The following TRIM55 variants were observed in gnomAD, a reference collection of about 807,000 sequenced individuals.
The protein encoded by TRIM55 is tripartite motif-containing protein 55.
Under a neutral mutation model 60.9 loss-of-function variants are expected in TRIM55, and 50 were observed. That is an observed-to-expected ratio of 0.82 (90% confidence interval 0.65 to 1.04). TRIM55 has a LOEUF of 1.04. TRIM55 is among the 50% of genes least tolerant of loss of function. The pLI is 0.00. For missense variants in TRIM55, 681 were observed against 666.9 expected, an observed-to-expected ratio of 1.02 and a Z score of -0.23; for synonymous variants, 237 against 238.1, an observed-to-expected ratio of 1.00 and a Z score of 0.04.
At chr8:66,137,629 G>T (rs1809556158) in intron 4 of TRIM55, among the ~76,000 whole-genome samples, 1 of 152,140 alleles carries the variant, frequency 6.6e-6, no homozygotes, top group African/African-American at 2.4e-5. Context: ...CCATAAGGAG[G>T]AGAAAGATCT....
At chr8:66,156,938 G>C (rs1472278036) in intron 9 of TRIM55, among the ~76,000 whole-genome samples, 2 of 152,212 alleles carry the variant, frequency 1.3e-5, no homozygotes. Context: ...TGGTAAAAAG[G>C]AGTGGGAGGA....
At chr8:66,134,887 C>A in intron 2 of TRIM55, 103 bp from the exon 3 acceptor site, 1 of 1,248,544 alleles carries the variant, frequency 8.0e-7, no homozygotes, top group Non-Finnish European at 1.1e-6. Context: ...GCTGGGCATA[C>A]AGGGAAGAGA....
chr8:66,153,629 G>C (rs762854970), intron 8 of TRIM55, among the ~76,000 whole-genome samples: 3 of 151,806 alleles, frequency 2.0e-5, no homozygotes, highest in Admixed American at 1.3e-4. Flanking sequence ...TAGTAACTAA[G>C]TGAGGGTTGG....
intron 9 of TRIM55, among the ~76,000 whole-genome samples, chr8:66,161,375 A>G (rs1811041147): frequency 6.6e-6 from 1 of 151,998 alleles, no homozygotes; most frequent in South Asian, 2.1e-4. Context: ...ATTCTGTTCC[A>G]TTGGTCTATA....
At chr8:66,157,914 G>C (rs1810835002) in intron 9 of TRIM55, among the ~76,000 whole-genome samples, 2 of 152,128 alleles carry the variant, frequency 1.3e-5, no homozygotes, top group Admixed American at 1.3e-4. Flanking sequence ...GTGATGGACA[G>C]GACCACTACT....
chr8:66,144,505 G>C (rs555046214), intron 4 of TRIM55, among the ~76,000 whole-genome samples: 2 of 152,334 alleles, frequency 1.3e-5, no homozygotes, highest in Admixed American at 1.3e-4. Context: ...TATACCCGGA[G>C]ACCAATACCT....
At chr8:66,123,764 G>C (rs1373773851), upstream of TRIM55, among the ~76,000 whole-genome samples, 2 of 152,168 alleles carry the variant, frequency 1.3e-5, no homozygotes, top group Admixed American at 6.5e-5. Flanking sequence ...AGGCTGAGGT[G>C]GGGGGATTGC....
intron 9 of TRIM55, among the ~76,000 whole-genome samples, chr8:66,155,369 G>T (rs1002797333): frequency 2.6e-5 from 4 of 152,184 alleles, no homozygotes; most frequent in Non-Finnish European, 5.9e-5. Flanking sequence ...TAAATGTTTG[G>T]TGGGAAGAAA....
At chr8:66,130,888 C>T (rs56176008) in intron 2 of TRIM55, among the ~76,000 whole-genome samples, 13,263 of 151,692 alleles carry the variant, frequency 0.087, 981 homozygotes, top group African/African-American at 0.2. Flanking sequence ...GTCTCGATCT[C>T]CTGACCTCTT....
chr8:66,125,057 G>T (rs1252793094), upstream of TRIM55, among the ~76,000 whole-genome samples: 2 of 152,204 alleles, frequency 1.3e-5, no homozygotes, highest in African/African-American at 4.8e-5. Flanking sequence ...CAAAGACTCA[G>T]AAGAATGCAA....
At chr8:66,168,979 T>G (rs952164029) in intron 9 of TRIM55, among the ~76,000 whole-genome samples, 4 of 152,200 alleles carry the variant, frequency 2.6e-5, no homozygotes, top group African/African-American at 7.2e-5. Context: ...ACAAGACAGG[T>G]AAGCGTTAGT....
chr8:66,117,487 T>C, the TRIM55 span, among the ~76,000 whole-genome samples: 1 of 152,258 alleles, frequency 6.6e-6, no homozygotes, highest in Non-Finnish European at 1.5e-5. Context: ...AAATCATGTA[T>C]ATGGCTCATA....
chr8:66,169,258 G>T (rs914091580), intron 9 of TRIM55, among the ~76,000 whole-genome samples: 2 of 152,144 alleles, frequency 1.3e-5, no homozygotes, highest in African/African-American at 4.8e-5. Flanking sequence ...GGTAAAGGGG[G>T]CTACTGGCAT....
At chr8:66,172,042 T>C (rs542636069) in intron 9 of TRIM55, among the ~76,000 whole-genome samples, 1 of 149,788 alleles carries the variant, frequency 6.7e-6, no homozygotes, top group African/African-American at 2.5e-5. Context: ...CTCTTCACTG[T>C]TGAAAGAAAG....
At chr8:66,128,267 A>C in intron 1 of TRIM55, 37 bp from the exon 2 acceptor site, 1 of 1,540,186 alleles carries the variant, frequency 6.5e-7, no homozygotes, top group Non-Finnish European at 8.7e-7. Flanking sequence ...TGCTTGTGGC[A>C]TTACCCAATT....
Position 66,174,730 on chromosome 8 carries a change from G to A in TRIM55, c.*137G>A. Reference sequence around the variant, plus strand: ...ATTTCTGCAAAAATAGCCCCAAACTGCAATTCCATATGACTTATCTAACAT... The same window carrying A: ...ATTTCTGCAAAAATAGCCCCAAACTACAATTCCATATGACTTATCTAACAT... On this transcript the variant is annotated 3_prime_UTR_variant, in exon 10 of 10. Transcript: ENST00000315962. The A allele has an allele frequency of 1.1e-6, 1 of 894,178 alleles. No individual in the cohort carries two copies. The highest frequency in any genetic ancestry group is 1.6e-6 in the Non-Finnish European group (1 of 638,564). 55.4% of individuals were successfully genotyped at this position (894,178 alleles called of 1,614,324 possible).
At chr8:66,159,253 C>A (rs543623467) in intron 9 of TRIM55, among the ~76,000 whole-genome samples, 1 of 152,334 alleles carries the variant, frequency 6.6e-6, no homozygotes, top group African/African-American at 2.4e-5. Flanking sequence ...GTAGTTCTGC[C>A]AGTTCCAAAC....
rs370205717 is a variant in TRIM55, at chr8:66,170,471, T to C, written c.1525-4000T>C. ...TTGTATTCCATTGATTCTTGACATG[T>C]ATGTATGCATGACATTTTGTTTATC... On this transcript the variant is annotated intron_variant, in intron 9 of 9. Coordinates refer to ENST00000315962, the MANE Select transcript of TRIM55 (RefSeq NM_184085.2). Among the ~76,000 whole-genome samples, 20 of 152,362 alleles carry C rather than the reference T, an allele frequency of 1.3e-4. No homozygotes were observed. The East Asian group carries it at 3.5e-3, about 26-fold the overall frequency.
intron 9 of TRIM55, 86 bp from the exon 10 acceptor site, chr8:66,174,385 A>T: frequency 8.8e-7 from 1 of 1,137,478 alleles, no homozygotes; most frequent in Non-Finnish European, 1.2e-6. Flanking sequence ...TTATTATTAT[A>T]CTTTCTCCTC....
Sources: gnomAD v4.1 joint callset for allele counts (sites outside exome capture counted in the v4.1 genomes callset) on GRCh38, gnomAD v4.1.1 for gene constraint, MANE v1.5 for transcripts, NCBI Gene and HGNC (gene_info 2026-07-23, HGNC 2026-07-21) for gene names.